The following CDH13 variants were observed in gnomAD, a reference collection of about 807,000 sequenced individuals.
The protein encoded by CDH13 is cadherin-13.
CDH13 carries 24 observed loss-of-function variants against 63.8 expected under a neutral mutation model. The ratio of observed to expected loss-of-function variants is 0.38; its 90% CI spans 0.27 to 0.53. The LOEUF is 0.53. Ranked by LOEUF, CDH13 falls within the 20% of genes least tolerant of loss-of-function variation. The pLI, the probability that CDH13 is intolerant of heterozygous loss-of-function variation, is 0.85. For missense variants in CDH13, 1,049 were observed against 903.1 expected (o/e 1.16, Z -2.07); for synonymous variants, 503 against 355.3 (o/e 1.42, Z -4.67).
At chr16:82,649,058 A>G (rs182420111) in intron 1 of CDH13, among the ~76,000 whole-genome samples, 1 of 150,292 alleles carries the variant, frequency 6.7e-6, no homozygotes, top group Non-Finnish European at 1.5e-5. Flanking sequence ...ATGGAAGAAA[A>G]TAAGCAATGG....
chr16:82,800,386 C>T (rs1485838247), intron 1 of CDH13, among the ~76,000 whole-genome samples: 1 of 152,138 alleles, frequency 6.6e-6, no homozygotes, highest in East Asian at 1.9e-4. Context: ...AAAAGGACTT[C>T]TCCTCAAGGA....
chr16:82,973,018 G>A (rs572409861), intron 2 of CDH13, among the ~76,000 whole-genome samples: 13 of 152,218 alleles, frequency 8.5e-5, no homozygotes, highest in East Asian at 7.7e-4. Flanking sequence ...TGTCAGTCTC[G>A]TTACAGAATC....
chr16:82,780,480 C>G (rs890801631), intron 1 of CDH13, among the ~76,000 whole-genome samples: 4 of 152,328 alleles, frequency 2.6e-5, no homozygotes, highest in Middle Eastern at 6.8e-3. Flanking sequence ...TCAACTGACT[C>G]TTCCCCTCTG....
chr16:83,478,515 C>G (rs1034383865), intron 6 of CDH13, among the ~76,000 whole-genome samples: 1 of 152,180 alleles, frequency 6.6e-6, no homozygotes, highest in Non-Finnish European at 1.5e-5. Flanking sequence ...AAATGCACAG[C>G]TGGACCACCA....
At chr16:82,717,399 G>A (rs932783132) in intron 1 of CDH13, among the ~76,000 whole-genome samples, 22 of 145,238 alleles carry the variant, frequency 1.5e-4, no homozygotes, top group Non-Finnish European at 2.8e-4. Flanking sequence ...TCACACCACT[G>A]CACTCCAGCC....
At chr16:83,652,094 C>T (rs1162272803) in intron 8 of CDH13, among the ~76,000 whole-genome samples, 1 of 152,206 alleles carries the variant, frequency 6.6e-6, no homozygotes, top group Non-Finnish European at 1.5e-5. Flanking sequence ...GAAACTCCAT[C>T]AGCCACCTCT....
At chr16:83,408,883 G>C (rs1485257308) in intron 6 of CDH13, among the ~76,000 whole-genome samples, 1 of 152,216 alleles carries the variant, frequency 6.6e-6, no homozygotes, top group Non-Finnish European at 1.5e-5. Context: ...TAAGGAGACA[G>C]AGGGATGCAG....
chr16:83,270,934 C>T (rs1199209951), intron 5 of CDH13, among the ~76,000 whole-genome samples: 2 of 138,212 alleles, frequency 1.4e-5, no homozygotes, highest in Admixed American at 7.3e-5. Flanking sequence ...TTTCCTTTCT[C>T]TTTCCCTTCC....
At position 83,049,792 on chromosome 16, in the gene CDH13, A is replaced by C. The variant is rs543901535; in HGVS notation, c.366+17574A>C. Among the ~76,000 whole-genome samples, 43 of 152,306 alleles carry C rather than the reference A, an allele frequency of 2.8e-4. 2 individuals are homozygous for C. In the East Asian group the frequency reaches 7.9e-3, roughly 28 times the overall value. On this transcript the variant is annotated intron_variant, in intron 3 of 13. Coordinates refer to ENST00000567109, the MANE Select transcript of CDH13 (RefSeq NM_001257.5). Reference sequence around the variant, plus strand: ...TTGGGCTTTTTTGACTGTTATGAACAACACTGCTACCAACCTGTGTGCAAA... The same window carrying C: ...TTGGGCTTTTTTGACTGTTATGAACCACACTGCTACCAACCTGTGTGCAAA...
chr16:83,422,345 A>G (rs13333983), intron 6 of CDH13, among the ~76,000 whole-genome samples: 46,201 of 152,126 alleles, frequency 0.3, 7,341 homozygotes, highest in Middle Eastern at 0.42. Context: ...ACTGTTTCCT[A>G]TGATGTTTAG....
chr16:83,351,246 A>T (rs376077301), intron 6 of CDH13, among the ~76,000 whole-genome samples: 1 of 143,310 alleles, frequency 7.0e-6, no homozygotes, highest in Non-Finnish European at 1.5e-5. Context: ...AACCAATCCT[A>T]TGTGTTTCTG....
intron 2 of CDH13, among the ~76,000 whole-genome samples, chr16:82,931,747 C>T (rs1452209630): frequency 6.6e-6 from 1 of 152,012 alleles, no homozygotes; most frequent in South Asian, 2.1e-4. Context: ...AGGAGGAACC[C>T]CTTATAGAAA....
At chr16:82,983,115 G>T (rs1055280562) in intron 2 of CDH13, among the ~76,000 whole-genome samples, 4 of 152,144 alleles carry the variant, frequency 2.6e-5, no homozygotes, top group African/African-American at 9.7e-5. Flanking sequence ...GCAAGGGAGG[G>T]ATACTAAGGC....
chr16:83,359,052 G>A (rs937207776), intron 6 of CDH13, among the ~76,000 whole-genome samples: 10 of 152,094 alleles, frequency 6.6e-5, no homozygotes, highest in African/African-American at 2.2e-4. Context: ...ACTTTAAAGG[G>A]CTCTAGAAGG....
chr16:83,238,386 TATTCACTATCACGAGA>T (rs2151811725), intron 5 of CDH13, among the ~76,000 whole-genome samples: 1 of 152,244 alleles, frequency 6.6e-6, no homozygotes, highest in East Asian at 1.9e-4. Flanking sequence ...TTCTGAGACT[TATTCACTATCACGAGA>T]ACAGCATGGG....
chr16:82,771,624 T>C (rs1315477144), intron 1 of CDH13, among the ~76,000 whole-genome samples: 2 of 152,156 alleles, frequency 1.3e-5, no homozygotes. Context: ...TGTATCGGAA[T>C]TGGGATTTGA....
At chr16:82,728,600 G>C (rs1044810208) in intron 1 of CDH13, among the ~76,000 whole-genome samples, 1 of 152,102 alleles carries the variant, frequency 6.6e-6, no homozygotes, top group South Asian at 2.1e-4. Flanking sequence ...AGCCTTCAGG[G>C]AGTCATAATC....
intron 7 of CDH13, among the ~76,000 whole-genome samples, chr16:83,561,040 A>G (rs570419173): frequency 1.1e-4 from 16 of 152,108 alleles, no homozygotes; most frequent in Admixed American, 2.6e-4. Flanking sequence ...TTAATTATTT[A>G]ATTCTCCTCT....
At chr16:82,791,617 G>A (rs2036309089) in intron 1 of CDH13, among the ~76,000 whole-genome samples, 1 of 152,180 alleles carries the variant, frequency 6.6e-6, no homozygotes, top group Admixed American at 6.5e-5. Context: ...GTTGTTTGCT[G>A]CCGTCGCAGA....
Sources: gnomAD v4.1 joint callset for allele counts (sites outside exome capture counted in the v4.1 genomes callset) on GRCh38, gnomAD v4.1.1 for gene constraint, MANE v1.5 for transcripts, NCBI Gene and HGNC (gene_info 2026-07-23, HGNC 2026-07-21) for gene names.